ZNF398: variants seen among roughly 807,000 people sequenced by gnomAD.
The protein encoded by ZNF398 is zinc finger DNA binding protein ZER6.
In ZNF398, 18 loss-of-function variants were observed where a neutral mutation model predicts 41.9. The observed-to-expected ratio is 0.43, with a 90% CI of 0.30 to 0.64. The LOEUF (loss-of-function observed/expected upper bound fraction) is 0.64. Ranked by LOEUF, ZNF398 falls within the 30% of genes least tolerant of loss-of-function variation. The probability of loss-of-function intolerance (pLI) is 0.14; values close to 1 mark genes in which losing one functional copy is unlikely to be tolerated. For synonymous variants in ZNF398, 260 were observed against 308.8 expected (o/e 0.84, Z 1.66); for missense variants, 669 against 822.8 (o/e 0.81, Z 2.29).
At chr7:149,135,420 GA>G (rs149771472) in intron 2 of ZNF398, among the ~76,000 whole-genome samples, 9,721 of 142,410 alleles carry the variant, frequency 0.068, 448 homozygotes, top group Non-Finnish European at 0.11. Context: ...AAGAAAGAAA[GA>G]AAAAAAGAAA....
At chr7:149,155,696 TATATATATATA>T (rs1480993728) in intron 2 of ZNF398, among the ~76,000 whole-genome samples, 4 of 29,692 alleles carry the variant, frequency 1.3e-4, no homozygotes, top group African/African-American at 1.8e-4. Flanking sequence ...TATATATATA[TATATATATATA>T]TTTTTTTTTT....
At chr7:149,173,723 G>C (rs1795400768) in intron 4 of ZNF398, among the ~76,000 whole-genome samples, 1 of 150,800 alleles carries the variant, frequency 6.6e-6, no homozygotes. Context: ...TAACAGATGT[G>C]CTGTCATCCA....
At chr7:149,163,008 A>G (rs1795143176) in intron 2 of ZNF398, among the ~76,000 whole-genome samples, 1 of 152,186 alleles carries the variant, frequency 6.6e-6, no homozygotes, top group Non-Finnish European at 1.5e-5. Flanking sequence ...CAGAGGCTGA[A>G]GTAGCAGATT....
In ZNF398 at chr7:149,171,314, A is replaced by G. The variant is rs562931248; in HGVS notation, c.661+4384A>G. The stretch of plus-strand genomic sequence containing the variant: ...AGTGTAAAACATATTGTACATATAT[A>G]CAAAAATATTTTTTCTTTATACCCT... On this transcript the variant is annotated intron_variant, in intron 4 of 5. Transcript: ENST00000475153. Among the ~76,000 whole-genome samples the G allele has an allele frequency of 2.6e-5, 4 of 152,150 alleles. No homozygotes were observed. In the South Asian group the frequency reaches 8.3e-4, roughly 32 times the overall value.
intron 2 of ZNF398, among the ~76,000 whole-genome samples, chr7:149,155,707 A>ATATAT (rs1794954712): frequency 2.7e-5 from 2 of 73,576 alleles, no homozygotes; most frequent in Non-Finnish European, 4.8e-5. Context: ...ATATATATAT[A>ATATAT]TTTTTTTTTT....
chr7:149,178,664 CA>C lies in ZNF398; in HGVS notation c.795del (p.Ala266LeufsTer41). ...STYADEELVI[K>X]AEGLARSSLC... Reference sequence around the variant, plus strand: ...TTCTTTCAGATGAAGAGCTTGTCATCAAAGCTGAAGGCCTTGCTAGATCCTC... The same window carrying C: ...TTCTTTCAGATGAAGAGCTTGTCATCAAGCTGAAGGCCTTGCTAGATCCTC... On this transcript the variant is annotated frameshift_variant, in exon 6 of 6. Coordinates refer to ENST00000475153, the MANE Select transcript of ZNF398 (RefSeq NM_170686.3). LOFTEE classifies it low-confidence loss of function (END_TRUNC). 1.9e-6 allele frequency: 3 copies of C among 1,612,934 alleles called. No individual in the cohort carries two copies. Among genetic ancestry groups the C allele is most frequent in the Non-Finnish European group, 2.5e-6 (3 of 1,179,594 alleles).
At chr7:149,165,514 T>A (rs1295887073) in intron 2 of ZNF398, among the ~76,000 whole-genome samples, 2 of 152,068 alleles carry the variant, frequency 1.3e-5, no homozygotes, top group African/African-American at 4.8e-5. Context: ...AACAGAAAAT[T>A]GGGTTTTAAA....
chr7:149,151,223 G>T, intron 1 of ZNF398: 1 of 1,226,038 alleles, frequency 8.2e-7, no homozygotes, highest in Non-Finnish European at 1.0e-6. Context: ...TTACTAATCT[G>T]CTTACAGGAA....
intron 1 of ZNF398, among the ~76,000 whole-genome samples, chr7:149,150,795 C>T (rs964612408): frequency 6.6e-6 from 1 of 152,074 alleles, no homozygotes; most frequent in Admixed American, 6.6e-5. Context: ...CTGCAACTTC[C>T]GCCTCCTGGG....
At chr7:149,178,477 A>G (rs749235411) in intron 5 of ZNF398, among the ~76,000 whole-genome samples, 171 bp from the exon 6 acceptor site, 2 of 152,076 alleles carry the variant, frequency 1.3e-5, no homozygotes, top group Non-Finnish European at 2.9e-5. Context: ...GTGTCATTTC[A>G]TTTCTCTGAT....
intron 2 of ZNF398, among the ~76,000 whole-genome samples, chr7:149,136,991 C>A (rs1216763711): frequency 1.3e-5 from 2 of 151,790 alleles, no homozygotes; most frequent in Non-Finnish European, 2.9e-5. Flanking sequence ...CTCAGCCTCC[C>A]AAGTAGCTGG....
chr7:149,133,689 G>A (rs889514865), intron 2 of ZNF398, among the ~76,000 whole-genome samples: 2,029 of 34,730 alleles, frequency 0.058, 83 homozygotes, highest in South Asian at 0.14. Context: ...ACATATATAT[G>A]TGTGTATATA....
At chr7:149,141,508 G>A (rs554484381) in intron 2 of ZNF398, among the ~76,000 whole-genome samples, 1 of 145,520 alleles carries the variant, frequency 6.9e-6, no homozygotes, top group Admixed American at 7.1e-5. Context: ...AGGCTGGAGT[G>A]CAGTGGCATG....
Position 149,179,230 on chromosome 7 carries a change from G to A in ZNF398, c.1358G>A (p.Arg453Lys). 5.0e-6 allele frequency: 8 copies of A among 1,613,100 alleles called. No individual in the cohort carries two copies. The highest frequency in any genetic ancestry group is 6.8e-6 in the Non-Finnish European group (8 of 1,179,936). ...CACCGGAGAGCTCATGCAAGCGAAA[G>A]GCCCTTCCGCTGTGCCCAGTGCGGC... The part of the protein sequence containing the change: ...TSHRRAHASE[R>K]PFRCAQCGRS... The change falls in exon 6 of 6, where the codon AGG (arginine) becomes AAG (lysine). Residue 453 changes from arginine (R) to lysine (K), a missense_variant. Transcript: ENST00000475153. The surrounding 1 kb of genome is among the most constrained non-coding windows in gnomAD (Gnocchi z 6.1).
chr7:149,128,698 T>C (rs1388313164), intron 1 of ZNF398: 3 of 136,324 alleles, frequency 2.2e-5, no homozygotes, highest in African/African-American at 7.7e-5. Flanking sequence ...TGAGCACAGA[T>C]TGTGCTGACA....
At chr7:149,171,010 ATTTTTT>A (rs71192761) in intron 4 of ZNF398, among the ~76,000 whole-genome samples, 1 of 137,298 alleles carries the variant, frequency 7.3e-6, no homozygotes, top group Non-Finnish European at 1.5e-5. Flanking sequence ...CGCCCGGCTA[ATTTTTT>A]TTTTTTTTTT....
intron 4 of ZNF398, among the ~76,000 whole-genome samples, chr7:149,169,027 T>C (rs1245516878): frequency 1.3e-5 from 2 of 152,226 alleles, no homozygotes; most frequent in East Asian, 3.8e-4. Flanking sequence ...TTGGTCTACA[T>C]TATTAGTTAT....
intron 4 of ZNF398, among the ~76,000 whole-genome samples, chr7:149,171,050 A>G (rs1795329539): frequency 1.4e-5 from 2 of 143,556 alleles, no homozygotes; most frequent in East Asian, 2.0e-4. Context: ...GGGTTTCACC[A>G]TGTTAACCAG....
At chr7:149,171,242 A>G (rs1362221313) in intron 4 of ZNF398, among the ~76,000 whole-genome samples, 1 of 151,668 alleles carries the variant, frequency 6.6e-6, no homozygotes, top group Non-Finnish European at 1.5e-5. Flanking sequence ...TAATATAGTA[A>G]TATACTTTTA....
Sources: allele counts gnomAD v4.1 joint callset (sites outside exome capture counted in the v4.1 genomes callset), GRCh38; gene constraint gnomAD v4.1.1; non-coding constraint Gnocchi (gnomAD v3.1); transcripts MANE v1.5; gene names NCBI Gene and HGNC (gene_info 2026-07-23, HGNC 2026-07-21).